The following FARS2 variants were observed in gnomAD, a reference collection of about 807,000 sequenced individuals.
FARS2 encodes the protein phenylalanine--tRNA ligase, mitochondrial.
In FARS2, 40 loss-of-function variants were observed where a neutral mutation model predicts 46.4. That is an observed-to-expected ratio of 0.86 (90% CI 0.67 to 1.12). The LOEUF (loss-of-function observed/expected upper bound fraction) is 1.12, where lower values mean the gene tolerates loss of function less well. Ranked by LOEUF, FARS2 falls within the 50% of genes most tolerant of loss-of-function variation. FARS2 has a pLI of 0.00. For synonymous variants in FARS2, 234 were observed against 214.9 expected, an observed-to-expected ratio of 1.09 and a Z score of -0.78; for missense variants, 513 against 567.9, an observed-to-expected ratio of 0.90 and a Z score of 0.98.
chr6:5,725,851 C>G (rs1361269991), intron 6 of FARS2, among the ~76,000 whole-genome samples: 1 of 152,192 alleles, frequency 6.6e-6, no homozygotes, highest in Non-Finnish European at 1.5e-5. Context: ...AGGAGAATCG[C>G]TTGAACCAGA....
intron 1 of FARS2, among the ~76,000 whole-genome samples, chr6:5,336,653 A>G (rs1771180621): frequency 6.6e-6 from 1 of 152,162 alleles, no homozygotes; most frequent in African/African-American, 2.4e-5. Flanking sequence ...GTTACAAACA[A>G]TCCAATTACA....
chr6:5,512,169 A>G (rs1419487199), intron 4 of FARS2, among the ~76,000 whole-genome samples: 1 of 152,166 alleles, frequency 6.6e-6, no homozygotes, highest in Non-Finnish European at 1.5e-5. Flanking sequence ...AAAGCAAAAA[A>G]AGGAAATTCA....
intron 5 of FARS2, among the ~76,000 whole-genome samples, chr6:5,611,828 C>T (rs369420891): frequency 1.2e-4 from 19 of 152,248 alleles, no homozygotes; most frequent in Admixed American, 3.9e-4. Flanking sequence ...TCTCTGTCAC[C>T]GTGCCTGGCA....
intron 5 of FARS2, among the ~76,000 whole-genome samples, chr6:5,548,185 C>G (rs901295059): frequency 6.6e-6 from 1 of 152,196 alleles, no homozygotes; most frequent in African/African-American, 2.4e-5. Flanking sequence ...ATTCCATTAC[C>G]TCCACCTGAG....
chr6:5,583,434 G>A (rs1165056719), intron 5 of FARS2, among the ~76,000 whole-genome samples: 1 of 152,110 alleles, frequency 6.6e-6, no homozygotes. Flanking sequence ...GAATAAAGAC[G>A]GCTCTGCTTC....
At chr6:5,658,162 A>G (rs923404514) in intron 6 of FARS2, among the ~76,000 whole-genome samples, 1 of 151,956 alleles carries the variant, frequency 6.6e-6, no homozygotes, top group African/African-American at 2.4e-5. Context: ...AGGCTGAGGC[A>G]GGAGAATTGC....
At chr6:5,275,578 A>G (rs766641063) in intron 1 of FARS2, among the ~76,000 whole-genome samples, 1 of 152,216 alleles carries the variant, frequency 6.6e-6, no homozygotes, top group South Asian at 2.1e-4. Context: ...ATGAAGGAAT[A>G]TAAGCCTGAA....
chr6:5,562,852 G>T (rs1315117867), intron 5 of FARS2, among the ~76,000 whole-genome samples: 2 of 148,234 alleles, frequency 1.3e-5, no homozygotes, highest in Non-Finnish European at 3.0e-5. Context: ...CGCCCAGGCC[G>T]GAGTGCAATG....
At chr6:5,739,341 A>AAG (rs1761168230) in intron 6 of FARS2, among the ~76,000 whole-genome samples, 1 of 151,840 alleles carries the variant, frequency 6.6e-6, no homozygotes, top group East Asian at 1.9e-4. Context: ...TAAAAAAAAA[A>AAG]AAAATTGTAA....
At chr6:5,416,305 A>G (rs1317655983) in intron 3 of FARS2, among the ~76,000 whole-genome samples, 2 of 152,198 alleles carry the variant, frequency 1.3e-5, no homozygotes, top group African/African-American at 2.4e-5. Context: ...CCTTTGAAGA[A>G]TTTTATGGAT....
At chr6:5,329,327 G>A (rs1201647869) in intron 1 of FARS2, among the ~76,000 whole-genome samples, 1 of 152,184 alleles carries the variant, frequency 6.6e-6, no homozygotes, top group African/African-American at 2.4e-5. Flanking sequence ...ATTGTGAATG[G>A]TGATTGAGAT....
intron 1 of FARS2, among the ~76,000 whole-genome samples, chr6:5,366,997 A>G (rs1055767714): frequency 4.7e-4 from 72 of 152,246 alleles, no homozygotes; most frequent in African/African-American, 2.4e-5. Flanking sequence ...AAATAACGCC[A>G]TAAGTGAATA....
chr6:5,731,153 G>T (rs192358663), intron 6 of FARS2, among the ~76,000 whole-genome samples: 1 of 152,172 alleles, frequency 6.6e-6, no homozygotes, highest in Non-Finnish European at 1.5e-5. Context: ...CAGAGAAACC[G>T]GGAGTTGGGC....
At chr6:5,538,684 G>A (rs558216662) in intron 4 of FARS2, among the ~76,000 whole-genome samples, 78 of 152,260 alleles carry the variant, frequency 5.1e-4, no homozygotes, top group Middle Eastern at 3.4e-3. Flanking sequence ...TCCTTCACAG[G>A]AGTCGCCAGT....
rs62387166 is a variant in FARS2 at position 5,539,438 on chromosome 6, T to C, written c.905-5742T>C. ...TAGTAGAGACGGGGTTTCACCATGT[T>C]AGCCAGGATGGTTTCAATCTCCTGA... On this transcript the variant is annotated intron_variant, in intron 4 of 6. Coordinates refer to ENST00000274680, the MANE Select transcript of FARS2 (RefSeq NM_006567.5). Among the ~76,000 whole-genome samples the C allele has an allele frequency of 7.5e-3, 1,087 of 144,662 alleles. 6 individuals carry two copies. The highest frequency in any genetic ancestry group is 0.028 in the African/African-American group (1,031 of 37,450). The allele number at this position is 144,662 out of a possible 152,430, so 94.9% of individuals were successfully genotyped here.
At chr6:5,527,808 T>G (rs1482450552) in intron 4 of FARS2, among the ~76,000 whole-genome samples, 1 of 152,214 alleles carries the variant, frequency 6.6e-6, no homozygotes, top group Non-Finnish European at 1.5e-5. Flanking sequence ...TGTTCAAGAC[T>G]GGTAAACTGT....
At chr6:5,448,053 C>T (rs1764277673) in intron 4 of FARS2, among the ~76,000 whole-genome samples, 1 of 152,176 alleles carries the variant, frequency 6.6e-6, no homozygotes, top group Admixed American at 6.5e-5. Flanking sequence ...TACAGAGTTT[C>T]GAAAGATCCA....
At chr6:5,600,374 G>A (rs887869060) in intron 5 of FARS2, among the ~76,000 whole-genome samples, 3 of 152,188 alleles carry the variant, frequency 2.0e-5, no homozygotes, top group African/African-American at 7.2e-5. Context: ...TAGGAACTGT[G>A]CCTAACTCTG....
chr6:5,251,853 AGGGCTGCCT>A, the FARS2 span, among the ~76,000 whole-genome samples: 152 of 152,336 alleles, frequency 1.0e-3, no homozygotes, highest in South Asian at 1.7e-3. Flanking sequence ...GATGAGTGAG[AGGGCTGCCT>A]GGTTCCCACT....
Sources: gnomAD v4.1 joint callset for allele counts (sites outside exome capture counted in the v4.1 genomes callset) on GRCh38, gnomAD v4.1.1 for gene constraint, MANE v1.5 for transcripts, NCBI Gene and HGNC (gene_info 2026-07-23, HGNC 2026-07-21) for gene names.